The following CHD2 variants were observed in gnomAD, a reference collection of about 807,000 sequenced individuals.
CHD2 encodes the protein chromodomain helicase DNA binding protein 2.
In CHD2, 28 loss-of-function variants were observed where a neutral mutation model predicts 243.9. The ratio of observed to expected loss-of-function variants is 0.11; its 90% CI spans 0.09 to 0.16. CHD2 has a LOEUF of 0.16. Among genes scored for constraint, CHD2 ranks in the 10% least tolerant of loss-of-function variants. The pLI, the probability that CHD2 is intolerant of heterozygous loss-of-function variation, is 1.00. For missense variants in CHD2, 1,386 were observed against 2,209.8 expected (o/e 0.63, Z 7.47); for synonymous variants, 775 against 779.0 (o/e 0.99, Z 0.09).
At chr15:92,999,780 GA>G (rs1181916273) in intron 31 of CHD2, among the ~76,000 whole-genome samples, 2 of 152,118 alleles carry the variant, frequency 1.3e-5, no homozygotes, top group Non-Finnish European at 2.9e-5. Context: ...TGATTAGGCA[GA>G]TAAACAGTAT....
chr15:93,015,276 G>T (rs1465351869), intron 37 of CHD2, among the ~76,000 whole-genome samples: 1 of 152,078 alleles, frequency 6.6e-6, no homozygotes, highest in Non-Finnish European at 1.5e-5. Flanking sequence ...ACAGGGTTTT[G>T]CCATGTTGGC....
intron 21 of CHD2, 69 bp from the exon 22 acceptor site, chr15:92,979,066 C>T: frequency 6.4e-7 from 1 of 1,570,780 alleles, no homozygotes; most frequent in Non-Finnish European, 8.6e-7. Context: ...CAGAGCTAAT[C>T]CTTCTCTCTT....
At chr15:92,964,837 A>T (rs2053735931) in intron 16 of CHD2, among the ~76,000 whole-genome samples, 1 of 152,236 alleles carries the variant, frequency 6.6e-6, no homozygotes, top group African/African-American at 2.4e-5. Context: ...GCAGAAAACA[A>T]GTCAGTTTGA....
rs2141873628 is a variant in CHD2 at position 93,002,196 on chromosome 15, G to A, written c.4157G>A (p.Ser1386Asn). 6.3e-7 allele frequency: 1 copy of A among 1,590,600 alleles called. No homozygotes were observed. The highest frequency in any genetic ancestry group is 8.5e-7 in the Non-Finnish European group (1 of 1,173,276). Residue 1386 changes from serine (S) to asparagine (N), a missense_variant, in exon 33 of 39, where the codon AGT becomes AAT. Physicochemically the swap from Ser to Asn is conservative, Grantham distance 46. This residue lies in a region of CHD2 where 125 missense variants were observed against 128.9 expected (regional missense o/e 0.97). Transcript: ENST00000394196. ...GEVKDDGLEK[S>N]PMKKKQKKKE... ...TCCTAGGATGATGGCTTGGAAAAAA[G>A]TCCAATGAAAAAAAAACAGAAGAAG...
At chr15:92,967,588 A>C in intron 17 of CHD2, 75 bp downstream of exon 17, 1 of 972,006 alleles carries the variant, frequency 1.0e-6, no homozygotes, top group South Asian at 2.7e-5. Flanking sequence ...AGATATATAT[A>C]TATACTTTTG....
At chr15:92,952,631 C>T (rs943013407) in intron 13 of CHD2, among the ~76,000 whole-genome samples, 1 of 152,172 alleles carries the variant, frequency 6.6e-6, no homozygotes, top group Non-Finnish European at 1.5e-5. Flanking sequence ...GGCACTAATG[C>T]CAGCAATGGG....
chr15:92,918,860 T>C (rs1212416826), intron 2 of CHD2, among the ~76,000 whole-genome samples: 2 of 147,378 alleles, frequency 1.4e-5, no homozygotes, highest in Admixed American at 1.3e-4. Flanking sequence ...TACATACATA[T>C]ATATATATAT....
At chr15:92,976,728 C>CT (rs1170025437) in intron 20 of CHD2, among the ~76,000 whole-genome samples, 1 of 151,260 alleles carries the variant, frequency 6.6e-6, no homozygotes. Context: ...TAGCAAGACC[C>CT]TATCTCTACA....
chr15:92,930,749 A>G (rs1366029792), intron 5 of CHD2, among the ~76,000 whole-genome samples: 1 of 152,004 alleles, frequency 6.6e-6, no homozygotes, highest in East Asian at 1.9e-4. Flanking sequence ...GAATTCCCCA[A>G]AGTTGGCAAC....
intron 5 of CHD2, among the ~76,000 whole-genome samples, chr15:92,930,755 G>T (rs2053152437): frequency 3.3e-5 from 5 of 152,122 alleles, no homozygotes. Flanking sequence ...CCCAAAGTTG[G>T]CAACCTTCAG....
At chr15:92,984,689 G>A (rs1220814673) in intron 25 of CHD2, among the ~76,000 whole-genome samples, 189 bp downstream of exon 25, 2 of 152,226 alleles carry the variant, frequency 1.3e-5, no homozygotes, top group Non-Finnish European at 2.9e-5. Context: ...ACACCTGTGA[G>A]ACATCGGATT....
chr15:93,015,290 G>A (rs1034279966), intron 37 of CHD2, among the ~76,000 whole-genome samples: 1 of 152,148 alleles, frequency 6.6e-6, no homozygotes. Context: ...TGTTGGCCAG[G>A]CTGGTCTCAA....
chr15:92,992,181 G>C (rs2054128394), intron 27 of CHD2, among the ~76,000 whole-genome samples: 2 of 152,302 alleles, frequency 1.3e-5, no homozygotes, highest in South Asian at 4.1e-4. Context: ...TTACAAGCCT[G>C]TTTTTGTTTG....
chr15:92,975,311 A>C lies in CHD2; in HGVS notation c.2577+361A>C, dbSNP rs1234662022. 2.0e-5 allele frequency among the ~76,000 whole-genome samples: 3 copies of C among 152,178 alleles called. 1 individual carries two copies. Among genetic ancestry groups the C allele is most frequent in the African/African-American group, 7.2e-5 (3 of 41,446 alleles). On this transcript the variant is annotated intron_variant, in intron 20 of 38. Coordinates refer to ENST00000394196, the MANE Select transcript of CHD2 (RefSeq NM_001271.4). Reference sequence around the variant, plus strand: ...CTCTTTTGGTGACTAAGTCCTGAAAAATATATTTGCCATGTCTCAAATTTG... The same window carrying C: ...CTCTTTTGGTGACTAAGTCCTGAAACATATATTTGCCATGTCTCAAATTTG...
intron 34 of CHD2, among the ~76,000 whole-genome samples, chr15:93,005,306 G>T (rs1275789819): frequency 2.0e-5 from 3 of 152,150 alleles, no homozygotes; most frequent in African/African-American, 7.2e-5. Flanking sequence ...TCTGAAGGAA[G>T]AATAAAAGGT....
At chr15:92,939,745 C>G in intron 7 of CHD2, 27 bp downstream of exon 7, 2 of 1,607,986 alleles carry the variant, frequency 1.2e-6, no homozygotes, top group Middle Eastern at 1.7e-4. Context: ...AAGTGTTTCA[C>G]TGGTGTGATG....
rs1410812869 is a variant in CHD2, at chr15:93,026,103, C to T, written c.*1398C>T. 1.3e-5 allele frequency: 2 copies of T among 152,642 alleles called. No homozygotes were observed. The highest frequency in any genetic ancestry group is 2.9e-5 in the Non-Finnish European group (2 of 68,044). The allele number at this position is 152,642 out of a possible 1,614,324, so 9.5% of individuals were successfully genotyped here. Reference sequence around the variant, plus strand: ...TTGCATCAATTAAGCAGGCTCTTTTCAATTGACTGATGCTGGGGCCTTCAG... The same window carrying T: ...TTGCATCAATTAAGCAGGCTCTTTTTAATTGACTGATGCTGGGGCCTTCAG... On this transcript the variant is annotated 3_prime_UTR_variant, in exon 39 of 39. Transcript: ENST00000394196.
intron 2 of CHD2, among the ~76,000 whole-genome samples, chr15:92,922,718 A>G (rs892508167): frequency 1.3e-5 from 2 of 152,096 alleles, no homozygotes; most frequent in African/African-American, 2.4e-5. Flanking sequence ...CAGAGCAAAG[A>G]TGGGTAGTTT....
chr15:92,904,479 C>G (rs2052581678), intron 2 of CHD2: 4 of 989,624 alleles, frequency 4.0e-6, no homozygotes, highest in African/African-American at 1.7e-5. Context: ...ACCCAGGGAG[C>G]CGCACGCCGA....
Sources: gnomAD v4.1 joint callset for allele counts (sites outside exome capture counted in the v4.1 genomes callset) on GRCh38, gnomAD v4.1.1 for gene constraint, gnomAD v4.1.1 regional missense constraint, MANE v1.5 for transcripts, NCBI Gene and HGNC (gene_info 2026-07-23, HGNC 2026-07-21) for gene names.